Variants in VAV1 observed in about 807,000 individuals in gnomAD.
The protein encoded by VAV1 is proto-oncogene vav.
In VAV1, 33 loss-of-function variants were observed where a neutral mutation model predicts 128.1. That is an observed-to-expected ratio of 0.26 (90% CI 0.20 to 0.34). The LOEUF (loss-of-function observed/expected upper bound fraction) is 0.34, where lower values mean the gene tolerates loss of function less well. Among genes scored for constraint, VAV1 ranks in the 10% least tolerant of loss-of-function variants. The probability of loss-of-function intolerance (pLI) is 1.00; values close to 1 mark genes in which losing one functional copy is unlikely to be tolerated. For synonymous variants in VAV1, 394 were observed against 409.8 expected (o/e 0.96, Z 0.47); for missense variants, 715 against 1,093.7 (o/e 0.65, Z 4.88).
intron 21 of VAV1, among the ~76,000 whole-genome samples, chr19:6,840,965 A>G (rs578192531): frequency 5.3e-5 from 8 of 151,710 alleles, no homozygotes; most frequent in Admixed American, 1.3e-4. Flanking sequence ...TTTAGTAGAG[A>G]CAGGGTTTCA....
At chr19:6,814,667 C>CCTTCCTTCCTTTCTTCCTTT (rs1971586781) in intron 1 of VAV1, among the ~76,000 whole-genome samples, 1 of 25,100 alleles carries the variant, frequency 4.0e-5, no homozygotes, top group African/African-American at 2.3e-4. Context: ...TTCCTTCCTT[C>CCTTCCTTCCTTTCTTCCTTT]CTTCCTTTCT....
rs567180420 is a variant in VAV1 at position 6,820,108 on chromosome 19, C to T, written c.205-594C>T. Among the ~76,000 whole-genome samples the T allele has an allele frequency of 2.9e-4, 44 of 152,288 alleles. No homozygotes were observed. Among genetic ancestry groups the T allele is most frequent in the African/African-American group, 9.9e-4 (41 of 41,554 alleles). Reference sequence around the variant, plus strand: ...CCAAGGTGGGCAGATTCCTCAAGTCCAGGAATTCAAGACCAGCCTGGGCAA... The same window carrying T: ...CCAAGGTGGGCAGATTCCTCAAGTCTAGGAATTCAAGACCAGCCTGGGCAA... On this transcript the variant is annotated intron_variant, in intron 1 of 26. Coordinates refer to ENST00000602142, the MANE Select transcript of VAV1 (RefSeq NM_005428.4). The surrounding 1 kb of genome is among the most constrained non-coding windows in gnomAD (Gnocchi z 4.4).
chr19:6,796,319 C>T (rs2660489), intron 1 of VAV1, among the ~76,000 whole-genome samples: 38,175 of 151,822 alleles, frequency 0.25, 7,232 homozygotes, highest in African/African-American at 0.54. Context: ...TTATAGGGAC[C>T]CCGGGAGATA....
chr19:6,830,043 G>T lies in VAV1; in HGVS notation c.1398+125G>T. On this transcript the variant is annotated intron_variant, in intron 14 of 26. Coordinates refer to ENST00000602142, the MANE Select transcript of VAV1 (RefSeq NM_005428.4). ...GAAGTGTGTGTTAATCCACTCAACA[G>T]GTGTTTTTTGTTTGTTTGTTTTGTT... 5 of 1,448,292 alleles carry T rather than the reference G, an allele frequency of 3.5e-6. No homozygotes were observed. The East Asian group carries it at 1.2e-4, about 34-fold the overall frequency. The allele number at this position is 1,448,292 out of a possible 1,614,324, so 89.7% of individuals were successfully genotyped here.
chr19:6,782,462 T>C (rs905484874), intron 1 of VAV1, among the ~76,000 whole-genome samples: 1 of 152,164 alleles, frequency 6.6e-6, no homozygotes, highest in African/African-American at 2.4e-5. Flanking sequence ...GCATGGCAAT[T>C]AACATATAGT....
chr19:6,799,450 G>A (rs919263603), intron 1 of VAV1, among the ~76,000 whole-genome samples: 2 of 152,178 alleles, frequency 1.3e-5, no homozygotes, highest in Non-Finnish European at 2.9e-5. Context: ...TTACAGGCGT[G>A]AGCCACCATG....
At chr19:6,816,787 T>A (rs3097354) in intron 1 of VAV1, among the ~76,000 whole-genome samples, 1 of 150,924 alleles carries the variant, frequency 6.6e-6, no homozygotes, top group East Asian at 2.0e-4. Flanking sequence ...CATGGTGAAA[T>A]CCCCATCTCT....
rs1971824037 is a variant in VAV1, at chr19:6,822,709, A to G, written c.654+195A>G. Among the ~76,000 whole-genome samples, 1 of 149,082 alleles carries G rather than the reference A, an allele frequency of 6.7e-6. No homozygotes were observed. The highest frequency in any genetic ancestry group is 1.9e-4 in the East Asian group (1 of 5,160). On this transcript the variant is annotated intron_variant, in intron 6 of 26. Coordinates refer to ENST00000602142, the MANE Select transcript of VAV1 (RefSeq NM_005428.4). This position sits in a 1 kb window ranked among gnomAD's most constrained non-coding sequence, Gnocchi z 5.9. The stretch of plus-strand genomic sequence containing the variant: ...ATAAATATGAGTCTGACGTATATAT[A>G]TATTAAAAAATATATATAAAATATA...
At chr19:6,829,692 G>T in intron 13 of VAV1, 94 bp from the exon 14 acceptor site, 1 of 1,566,956 alleles carries the variant, frequency 6.4e-7, no homozygotes. Flanking sequence ...GGAGGAGAAG[G>T]GCAGGGTGGG....
chr19:6,782,068 C>T (rs1970777100), intron 1 of VAV1, among the ~76,000 whole-genome samples: 1 of 152,146 alleles, frequency 6.6e-6, no homozygotes, highest in Non-Finnish European at 1.5e-5. Context: ...ACATGGCTCA[C>T]TCTTGTAATC....
chr19:6,786,331 T>A (rs8101873), intron 1 of VAV1, among the ~76,000 whole-genome samples: 3,136 of 152,222 alleles, frequency 0.021, 116 homozygotes, highest in African/African-American at 0.072. Context: ...TTATCTTAGC[T>A]TGTATCTGTA....
intron 1 of VAV1, among the ~76,000 whole-genome samples, chr19:6,806,206 C>G (rs564247852): frequency 2.6e-5 from 4 of 152,254 alleles, no homozygotes; most frequent in South Asian, 4.2e-4. Flanking sequence ...CCTGCTTCAG[C>G]CTCCCGAGTA....
At position 6,826,739 on chromosome 19, in the gene VAV1, C is replaced by T. The variant is rs1971927656; in HGVS notation, c.927+28C>T. The T allele has an allele frequency of 2.6e-6, 4 of 1,509,934 alleles. No homozygotes were observed. The highest frequency in any genetic ancestry group is 2.0e-5 in the Admixed American group (1 of 50,936). 93.5% of individuals were successfully genotyped at this position (1,509,934 alleles called of 1,614,324 possible). A position where few individuals can be genotyped will look rare whatever the true frequency, so the allele number is the denominator to read the frequency against. On this transcript the variant is annotated intron_variant, in intron 9 of 26. Coordinates refer to ENST00000602142, the MANE Select transcript of VAV1 (RefSeq NM_005428.4). This position sits in a 1 kb window ranked among gnomAD's most constrained non-coding sequence, Gnocchi z 4.1. ...GGGCGCCGGGCCACTTCTCGGGGGC[C>T]TCTCCCGCTCCTCCCCAGGCCCTGG...
At chr19:6,848,153 TG>T (rs1176745733) in intron 23 of VAV1, 39 bp downstream of exon 23, 11 of 1,509,378 alleles carry the variant, frequency 7.3e-6, no homozygotes, top group Non-Finnish European at 9.7e-6. Context: ...TTTTGGGGCC[TG>T]GGCCCTGCGG....
At chr19:6,846,042 A>T (rs897700801) in intron 22 of VAV1, among the ~76,000 whole-genome samples, 9 of 148,876 alleles carry the variant, frequency 6.0e-5, no homozygotes, top group Non-Finnish European at 1.3e-4. Context: ...GGTGACATAA[A>T]ATTATATATT....
intron 25 of VAV1, 79 bp downstream of exon 25, chr19:6,853,158 C>T: frequency 1.5e-6 from 2 of 1,313,252 alleles, no homozygotes; most frequent in Non-Finnish European, 2.1e-6. Flanking sequence ...GCCATTGACA[C>T]CCCTTCCAAT....
intron 6 of VAV1, among the ~76,000 whole-genome samples, chr19:6,823,888 T>C (rs1209179970): frequency 6.6e-6 from 1 of 152,200 alleles, no homozygotes; most frequent in Non-Finnish European, 1.5e-5. Flanking sequence ...CACTGTCTAA[T>C]TTTGGAATAT....
chr19:6,805,808 A>G (rs1300567653), intron 1 of VAV1, among the ~76,000 whole-genome samples: 2 of 152,090 alleles, frequency 1.3e-5, no homozygotes, highest in South Asian at 2.1e-4. Flanking sequence ...ATTCATTTAT[A>G]TGAATAAAAA....
chr19:6,832,482 CTCCTCCTCCTCTTTCTCCTTCTCCTT>C (rs565483335), intron 15 of VAV1, among the ~76,000 whole-genome samples: 17 of 149,376 alleles, frequency 1.1e-4, no homozygotes, highest in East Asian at 5.8e-4. Context: ...TTCCTTCCTC[CTCCTCCTCCTCTTTCTCCTTCTCCTT>C]TCCTCCTCCT....
Sources: gnomAD v4.1 joint callset for allele counts (sites outside exome capture counted in the v4.1 genomes callset) on GRCh38, gnomAD v4.1.1 for gene constraint, Gnocchi (gnomAD v3.1) non-coding constraint, MANE v1.5 for transcripts, NCBI Gene and HGNC (gene_info 2026-07-23, HGNC 2026-07-21) for gene names.